Variants in ANKH observed in about 807,000 individuals in gnomAD.
ANKH encodes mineralization regulator ANKH.
ANKH carries 15 observed loss-of-function variants against 49.0 expected under a neutral mutation model. That is an observed-to-expected ratio of 0.31 (90% CI 0.20 to 0.47). The LOEUF (loss-of-function observed/expected upper bound fraction) is 0.47. ANKH is among the 20% of genes least tolerant of loss of function. The probability of loss-of-function intolerance (pLI) is 1.00; values close to 1 mark genes in which losing one functional copy is unlikely to be tolerated. For synonymous variants in ANKH, 273 were observed against 260.0 expected, an observed-to-expected ratio of 1.05 and a Z score of -0.48; for missense variants, 429 against 652.0, an observed-to-expected ratio of 0.66 and a Z score of 3.72.
chr5:14,821,321 C>T (rs1023649751), intron 1 of ANKH, among the ~76,000 whole-genome samples: 4 of 152,114 alleles, frequency 2.6e-5, no homozygotes, highest in Admixed American at 6.6e-5. Context: ...AAAATGAGGG[C>T]CATCTGGTTG....
chr5:14,857,963 A>C (rs1047826238), intron 1 of ANKH, among the ~76,000 whole-genome samples: 2 of 152,254 alleles, frequency 1.3e-5, no homozygotes, highest in African/African-American at 2.4e-5. Flanking sequence ...TATTAATCCA[A>C]AGAAATAATC....
rs1738509422 is a variant in ANKH, at chr5:14,745,651, A to G, written c.915+219T>C. On this transcript the variant is annotated intron_variant, in intron 7 of 11. Transcript: ENST00000284268. The surrounding 1 kb of genome is among the most constrained non-coding windows in gnomAD (Gnocchi z 4.7). ...ACCTGAAAGTAACCACAGGCTGATCACTTTGGAAAAGCATCCTGGGATCAG... is the reference window on the plus strand; with the variant it reads ...ACCTGAAAGTAACCACAGGCTGATCGCTTTGGAAAAGCATCCTGGGATCAG... 6.6e-6 allele frequency among the ~76,000 whole-genome samples: 1 copy of G among 152,240 alleles called. No homozygotes were observed. Among genetic ancestry groups the G allele is most frequent in the East Asian group, 1.9e-4 (1 of 5,200 alleles).
At chr5:14,732,879 T>A (rs78665501) in intron 8 of ANKH, among the ~76,000 whole-genome samples, 7,136 of 152,136 alleles carry the variant, frequency 0.047, 527 homozygotes, top group African/African-American at 0.16. Context: ...TTGACCTAAA[T>A]CCCTCTGCCT....
intron 1 of ANKH, among the ~76,000 whole-genome samples, chr5:14,785,650 T>C (rs904529651): frequency 7.9e-5 from 12 of 152,232 alleles, no homozygotes; most frequent in African/African-American, 2.4e-4. Flanking sequence ...TAAACTGAAA[T>C]TGAAACTGTT....
At chr5:14,857,923 C>T (rs1735329192) in intron 1 of ANKH, among the ~76,000 whole-genome samples, 1 of 152,068 alleles carries the variant, frequency 6.6e-6, no homozygotes, top group Non-Finnish European at 1.5e-5. Flanking sequence ...TCTGCAGAAG[C>T]CTGGAAAAGG....
intron 1 of ANKH, among the ~76,000 whole-genome samples, chr5:14,865,479 G>T (rs190367775): frequency 2.0e-5 from 3 of 152,160 alleles, no homozygotes; most frequent in Admixed American, 2.0e-4. Context: ...GACTGGAGGG[G>T]GAAAGTCTCC....
intron 1 of ANKH, among the ~76,000 whole-genome samples, chr5:14,823,357 T>A (rs965103681): frequency 1.3e-5 from 2 of 152,164 alleles, no homozygotes; most frequent in Non-Finnish European, 2.9e-5. Context: ...ATATCAGGAA[T>A]AACAACAACA....
At chr5:14,716,987 G>T in intron 8 of ANKH, 152 bp from the exon 9 acceptor site, 1 of 924,100 alleles carries the variant, frequency 1.1e-6, no homozygotes, top group Non-Finnish European at 1.7e-6. Context: ...TCTGCCACCT[G>T]CTTGCTTGAC....
At chr5:14,859,053 A>G (rs1315257683) in intron 1 of ANKH, among the ~76,000 whole-genome samples, 3 of 152,278 alleles carry the variant, frequency 2.0e-5, no homozygotes, top group South Asian at 2.1e-4. Flanking sequence ...TATCATTTTA[A>G]TAATTTTTAA....
chr5:14,861,918 T>C (rs1199323673), intron 1 of ANKH, among the ~76,000 whole-genome samples: 1 of 152,216 alleles, frequency 6.6e-6, no homozygotes, highest in African/African-American at 2.4e-5. Context: ...ACCAAGTTAC[T>C]TTCCTTCCCT....
Position 14,713,062 on chromosome 5 carries a change from C to G in ANKH, c.1266-89G>C. On this transcript the variant is annotated intron_variant, in intron 10 of 11. Coordinates refer to ENST00000284268, the MANE Select transcript of ANKH (RefSeq NM_054027.6). This position sits in a 1 kb window ranked among gnomAD's most constrained non-coding sequence, Gnocchi z 4.4. ...CCAAAACCCAGGAAAGTAAGTGTAG[C>G]CTCGAGACGGCTGAGACCAGCGGCG... 2 of 1,285,700 alleles carry G rather than the reference C, an allele frequency of 1.6e-6. No homozygotes were observed. The highest frequency in any genetic ancestry group is 1.3e-5 in the South Asian group (1 of 78,930). 79.6% of individuals were successfully genotyped at this position (1,285,700 alleles called of 1,614,324 possible). A position where few individuals can be genotyped will look rare whatever the true frequency, so the allele number is the denominator to read the frequency against.
At chr5:14,741,721 C>T in intron 8 of ANKH, 106 bp downstream of exon 8, 2 of 801,514 alleles carry the variant, frequency 2.5e-6, no homozygotes, top group Non-Finnish European at 4.3e-6. Flanking sequence ...ATTAATCCAG[C>T]ATCACATTAC....
At position 14,725,204 on chromosome 5, in the gene ANKH, C is replaced by A. The variant is rs1737787366; in HGVS notation, c.1012-8369G>T. On this transcript the variant is annotated intron_variant, in intron 8 of 11. Transcript: ENST00000284268. The surrounding 1 kb of genome is among the most constrained non-coding windows in gnomAD (Gnocchi z 4.0). ...ACCCAGCTGTGTCTCTGTCTGTTGT[C>A]TCTAGGTGAGTTCCCTGAGCACTCC... Among the ~76,000 whole-genome samples the A allele has an allele frequency of 6.6e-6, 1 of 152,208 alleles. No individual in the cohort carries two copies. The highest frequency in any genetic ancestry group is 1.9e-4 in the East Asian group (1 of 5,194).
At chr5:14,818,586 G>A (rs958158802) in intron 1 of ANKH, among the ~76,000 whole-genome samples, 1 of 135,486 alleles carries the variant, frequency 7.4e-6, no homozygotes, top group African/African-American at 2.8e-5. Context: ...GAGGTTGCAA[G>A]TGAGCCGAGA....
rs558566973 is a variant in ANKH, at chr5:14,803,636, A to ACTT, written c.97-34448_97-34446dup. 3.0e-3 allele frequency among the ~76,000 whole-genome samples: 460 copies of ACTT among 151,642 alleles called. 4 individuals carry two copies. Among genetic ancestry groups the ACTT allele is most frequent in the Non-Finnish European group, 5.5e-3 (372 of 67,890 alleles). On this transcript the variant is annotated intron_variant, in intron 1 of 11. Coordinates refer to ENST00000284268, the MANE Select transcript of ANKH (RefSeq NM_054027.6). ...TTTGCCTTACATTTTTACATTTTAC[A>ACTT]CTTCTTCTTCTTCTATACTCCCTTG...
At chr5:14,831,870 A>G (rs1358743743) in intron 1 of ANKH, among the ~76,000 whole-genome samples, 1 of 152,244 alleles carries the variant, frequency 6.6e-6, no homozygotes, top group African/African-American at 2.4e-5. Flanking sequence ...AATCTTTTTC[A>G]TCACCAAATT....
In ANKH at chr5:14,725,483, G is replaced by A. The variant is rs551156799; in HGVS notation, c.1012-8648C>T. On this transcript the variant is annotated intron_variant, in intron 8 of 11. Transcript: ENST00000284268. The surrounding 1 kb of genome is among the most constrained non-coding windows in gnomAD (Gnocchi z 4.0). Reference sequence around the variant, plus strand: ...CGGTGCTAGCTTCTTATCCCATCACGGATGGCCAGACCTCTGGCACTCATC... The same window carrying A: ...CGGTGCTAGCTTCTTATCCCATCACAGATGGCCAGACCTCTGGCACTCATC... Among the ~76,000 whole-genome samples, 3 of 152,300 alleles carry A rather than the reference G, an allele frequency of 2.0e-5. No individual in the cohort carries two copies. Among genetic ancestry groups the A allele is most frequent in the Non-Finnish European group, 2.9e-5 (2 of 68,028 alleles).
Position 14,745,974 on chromosome 5 carries a change from A to C in ANKH, c.823-12T>G. The C allele has an allele frequency of 1.9e-6, 3 of 1,610,488 alleles. No individual in the cohort carries two copies. In the South Asian group the frequency reaches 3.3e-5, roughly 18 times the overall value. ...AAAATCGCCACTGCCTGCAACAGGA[A>C]GAGGTGGCAGAGTTAGCAGGGTACC... On this transcript the variant is annotated splice_polypyrimidine_tract_variant and intron_variant, in intron 6 of 11. Coordinates refer to ENST00000284268, the MANE Select transcript of ANKH (RefSeq NM_054027.6). This position sits in a 1 kb window ranked among gnomAD's most constrained non-coding sequence, Gnocchi z 4.7.
At chr5:14,798,087 A>C in intron 1 of ANKH, 1 of 1,576,112 alleles carries the variant, frequency 6.3e-7, no homozygotes, top group African/African-American at 1.3e-5. Context: ...AAAACCTCCA[A>C]ATTCTCCTTT....
Sources: gnomAD v4.1 joint callset for allele counts (sites outside exome capture counted in the v4.1 genomes callset) on GRCh38, gnomAD v4.1.1 for gene constraint, Gnocchi (gnomAD v3.1) non-coding constraint, MANE v1.5 for transcripts, NCBI Gene and HGNC (gene_info 2026-07-23, HGNC 2026-07-21) for gene names.